SPAG16: variants seen among roughly 807,000 people sequenced by gnomAD.
SPAG16 encodes the protein sperm associated antigen 16, also known as sperm-associated antigen 16 protein.
In SPAG16, 86 loss-of-function variants were observed where a neutral mutation model predicts 80.4. The ratio of observed to expected loss-of-function variants is 1.07; its 90% CI spans 0.90 to 1.28. The LOEUF (loss-of-function observed/expected upper bound fraction) is 1.28, where lower values mean the gene tolerates loss of function less well. Among genes scored for constraint, SPAG16 ranks in the 50% most tolerant of loss-of-function variants. SPAG16 has a pLI of 0.00. For synonymous variants in SPAG16, 294 were observed against 265.9 expected (o/e 1.11, Z -1.03); for missense variants, 870 against 765.3 (o/e 1.14, Z -1.61).
At chr2:213,683,321 C>T (rs938650972) in intron 10 of SPAG16, among the ~76,000 whole-genome samples, 1 of 152,054 alleles carries the variant, frequency 6.6e-6, no homozygotes, top group East Asian at 1.9e-4. Context: ...GAGGTTAAGC[C>T]GGGCAGATCA....
chr2:214,226,604 T>C (rs1186670053), intron 15 of SPAG16, among the ~76,000 whole-genome samples: 1 of 152,054 alleles, frequency 6.6e-6, no homozygotes, highest in African/African-American at 2.4e-5. Context: ...AAAATGTGGT[T>C]GCAGTGCCTA....
intron 12 of SPAG16, among the ~76,000 whole-genome samples, chr2:213,990,400 T>C (rs182882589): frequency 6.6e-6 from 1 of 152,242 alleles, no homozygotes; most frequent in Non-Finnish European, 1.5e-5. Context: ...GTCAGAAATC[T>C]GAGTATAACT....
chr2:214,134,288 A>G (rs1033097599), intron 14 of SPAG16, among the ~76,000 whole-genome samples: 10 of 152,094 alleles, frequency 6.6e-5, no homozygotes, highest in African/African-American at 2.4e-4. Context: ...CTCTTCCTGA[A>G]TCACTCTTCA....
At chr2:213,869,000 C>G (rs2075821169) in intron 11 of SPAG16, among the ~76,000 whole-genome samples, 1 of 151,608 alleles carries the variant, frequency 6.6e-6, no homozygotes. Flanking sequence ...ACCTGTAATC[C>G]CAGCACTTTG....
At chr2:213,355,132 A>G (rs1330303453) in intron 7 of SPAG16, among the ~76,000 whole-genome samples, 3 of 152,172 alleles carry the variant, frequency 2.0e-5, no homozygotes, top group South Asian at 4.1e-4. Flanking sequence ...TCCTTTCCCC[A>G]TTTCTTGTTT....
chr2:213,286,325 C>T (rs563612778), intron 1 of SPAG16, among the ~76,000 whole-genome samples: 1 of 152,262 alleles, frequency 6.6e-6, no homozygotes, highest in South Asian at 2.1e-4. Context: ...TCAGGGGATA[C>T]ACAGTTAAAC....
intron 15 of SPAG16, chr2:214,239,211 T>A (rs958487436): frequency 6.6e-6 from 1 of 152,124 alleles, no homozygotes; most frequent in Admixed American, 6.6e-5. Context: ...TTTTTTTGAA[T>A]GTTGTAGAAA....
chr2:214,361,970 T>A (rs924926680), intron 15 of SPAG16, among the ~76,000 whole-genome samples: 10 of 152,052 alleles, frequency 6.6e-5, no homozygotes, highest in African/African-American at 1.7e-4. Context: ...TCTTTAGAAC[T>A]GAAGATATCT....
chr2:213,856,309 T>C (rs2075165643), intron 10 of SPAG16, among the ~76,000 whole-genome samples: 1 of 152,208 alleles, frequency 6.6e-6, no homozygotes, highest in Non-Finnish European at 1.5e-5. Flanking sequence ...CCTGTGGCTT[T>C]GCAGGATACA....
At chr2:213,346,639 CTA>C (rs1015174795) in intron 6 of SPAG16, among the ~76,000 whole-genome samples, 1 of 151,936 alleles carries the variant, frequency 6.6e-6, no homozygotes, top group Non-Finnish European at 1.5e-5. Flanking sequence ...TGAGATAATC[CTA>C]TGTTTTTTGT....
intron 15 of SPAG16, among the ~76,000 whole-genome samples, chr2:214,264,242 C>T (rs2125878577): frequency 6.6e-6 from 1 of 152,228 alleles, no homozygotes; most frequent in East Asian, 1.9e-4. Flanking sequence ...GAATATTTTT[C>T]CAGTGTACCT....
intron 10 of SPAG16, among the ~76,000 whole-genome samples, chr2:213,530,944 T>C (rs1225068321): frequency 6.6e-6 from 1 of 152,170 alleles, no homozygotes; most frequent in Non-Finnish European, 1.5e-5. Flanking sequence ...AATAAGAAAA[T>C]ATTACTTGAA....
At chr2:213,409,860 A>T (rs2068860849) in intron 9 of SPAG16, among the ~76,000 whole-genome samples, 1 of 152,172 alleles carries the variant, frequency 6.6e-6, no homozygotes, top group South Asian at 2.1e-4. Flanking sequence ...CCCACACTTA[A>T]AAGGTCAATT....
intron 10 of SPAG16, among the ~76,000 whole-genome samples, chr2:213,492,356 C>T (rs577571496): frequency 7.1e-4 from 108 of 152,110 alleles, no homozygotes; most frequent in South Asian, 8.3e-4. Context: ...TGAGACCATC[C>T]TGGCTAACAC....
At chr2:213,487,360 T>C (rs1446751791) in intron 9 of SPAG16, among the ~76,000 whole-genome samples, 1 of 152,048 alleles carries the variant, frequency 6.6e-6, no homozygotes, top group East Asian at 1.9e-4. Context: ...AAGGTTATGT[T>C]TTTTTTGCTT....
rs13006927 is a variant in SPAG16 at position 213,833,578 on chromosome 2, A to T, written c.1071-28907A>T. On this transcript the variant is annotated intron_variant, in intron 10 of 15. Coordinates refer to ENST00000331683, the MANE Select transcript of SPAG16 (RefSeq NM_024532.5). Reference sequence around the variant, plus strand: ...ATATAATATATATAATATATATATAATATATATATTATATATATATAAAAT... The same window carrying T: ...ATATAATATATATAATATATATATATTATATATATTATATATATATAAAAT... 1.2e-3 allele frequency among the ~76,000 whole-genome samples: 48 copies of T among 40,740 alleles called. 7 individuals carry two copies. The highest frequency in any genetic ancestry group is 4.1e-3 in the African/African-American group (35 of 8,626). The allele number at this position is 40,740 out of a possible 152,430, so 26.7% of individuals were successfully genotyped here.
chr2:213,297,175 T>G lies in SPAG16; in HGVS notation c.184-87T>G, dbSNP rs781067054. ...TAAAGTATTTCTTTGATCCTTTGAT[T>G]TGTGAAGCAAAATTATTTCTGAAGT... On this transcript the variant is annotated intron_variant, in intron 2 of 15. Transcript: ENST00000331683. The G allele has an allele frequency of 1.2e-5, 18 of 1,500,108 alleles. No homozygotes were observed. In the Admixed American group the frequency reaches 3.4e-4, roughly 29 times the overall value. The allele number at this position is 1,500,108 out of a possible 1,614,324, so 92.9% of individuals were successfully genotyped here.
In SPAG16 at chr2:214,268,082, A is replaced by G. The variant is rs76123719; in HGVS notation, c.1720+118816A>G. Among the ~76,000 whole-genome samples, 714 of 151,734 alleles carry G rather than the reference A, an allele frequency of 4.7e-3. 5 individuals are homozygous for G. Among genetic ancestry groups the G allele is most frequent in the African/African-American group, 0.016 (669 of 41,512 alleles). ...ACAGATACATGAGAAAATGCTCAACATCTCTAATTATAAGAGAAATGTAAA... is the reference window on the plus strand; with the variant it reads ...ACAGATACATGAGAAAATGCTCAACGTCTCTAATTATAAGAGAAATGTAAA... On this transcript the variant is annotated intron_variant, in intron 15 of 15. Transcript: ENST00000331683.
At chr2:213,344,421 C>T (rs2064856947) in intron 6 of SPAG16, among the ~76,000 whole-genome samples, 1 of 151,776 alleles carries the variant, frequency 6.6e-6, no homozygotes, top group South Asian at 2.1e-4. Context: ...GGTACATGTG[C>T]ACAGCGTGCA....
Sources: allele counts gnomAD v4.1 joint callset (sites outside exome capture counted in the v4.1 genomes callset), GRCh38; gene constraint gnomAD v4.1.1; transcripts MANE v1.5; gene names NCBI Gene and HGNC (gene_info 2026-07-23, HGNC 2026-07-21).